Variants in VAV3 observed in about 807,000 individuals in gnomAD.
VAV3 encodes the protein guanine nucleotide exchange factor VAV3.
VAV3 carries 94 observed loss-of-function variants against 131.2 expected under a neutral mutation model. The ratio of observed to expected loss-of-function variants is 0.72; its 90% CI spans 0.61 to 0.85. The LOEUF is 0.85. Among genes scored for constraint, VAV3 ranks in the 40% least tolerant of loss-of-function variants. The pLI, the probability that VAV3 is intolerant of heterozygous loss-of-function variation, is 0.00. For missense variants in VAV3, 939 were observed against 1,002.7 expected (o/e 0.94, Z 0.86); for synonymous variants, 349 against 342.0 (o/e 1.02, Z -0.22).
intron 20 of VAV3, among the ~76,000 whole-genome samples, chr1:107,623,341 T>C (rs1423781047): frequency 1.3e-5 from 2 of 152,208 alleles, no homozygotes; most frequent in African/African-American, 2.4e-5. Flanking sequence ...ATTTTATCTA[T>C]AATATTGTTT....
intron 25 of VAV3, among the ~76,000 whole-genome samples, chr1:107,585,030 G>C (rs1008927823): frequency 2.6e-5 from 4 of 152,182 alleles, no homozygotes; most frequent in South Asian, 2.1e-4. Flanking sequence ...GATAGACACA[G>C]ACAGAAATTA....
At chr1:107,914,610 G>A (rs1672524760) in intron 1 of VAV3, among the ~76,000 whole-genome samples, 1 of 152,188 alleles carries the variant, frequency 6.6e-6, no homozygotes, top group African/African-American at 2.4e-5. Flanking sequence ...AAAAGACTGT[G>A]CCTCCTCCAT....
At chr1:107,920,808 G>A (rs754556434) in intron 1 of VAV3, among the ~76,000 whole-genome samples, 2 of 152,054 alleles carry the variant, frequency 1.3e-5, no homozygotes, top group East Asian at 1.9e-4. Context: ...TTTCCCTTAC[G>A]ATTATTTGTG....
At chr1:107,841,467 G>A (rs761665458) in intron 2 of VAV3, among the ~76,000 whole-genome samples, 5 of 152,124 alleles carry the variant, frequency 3.3e-5, no homozygotes, top group Non-Finnish European at 7.4e-5. Flanking sequence ...CTATAACAAG[G>A]ATATTTAAAC....
intron 15 of VAV3, among the ~76,000 whole-genome samples, chr1:107,723,259 C>T (rs975691474): frequency 6.6e-6 from 1 of 152,112 alleles, no homozygotes; most frequent in Non-Finnish European, 1.5e-5. Context: ...CCTGTCCTCC[C>T]AGCCACAAGC....
At chr1:107,674,994 C>A (rs182958153) in intron 19 of VAV3, among the ~76,000 whole-genome samples, 1 of 152,062 alleles carries the variant, frequency 6.6e-6, no homozygotes, top group East Asian at 1.9e-4. Flanking sequence ...AATGGAATCC[C>A]GCGAAAAGCA....
At chr1:107,935,774 ATGCTGT>A (rs1673682411) in intron 1 of VAV3, among the ~76,000 whole-genome samples, 1 of 152,184 alleles carries the variant, frequency 6.6e-6, no homozygotes, top group South Asian at 2.1e-4. Context: ...GCCATTACCT[ATGCTGT>A]ATTTTGCAGA....
chr1:107,773,839 T>C (rs559602900), intron 4 of VAV3, among the ~76,000 whole-genome samples: 9 of 152,224 alleles, frequency 5.9e-5, no homozygotes, highest in African/African-American at 2.2e-4. Flanking sequence ...GGAGCTGAGA[T>C]ATAAAATGAT....
intron 1 of VAV3, among the ~76,000 whole-genome samples, chr1:107,951,031 G>A (rs1674507551): frequency 6.6e-6 from 1 of 152,162 alleles, no homozygotes; most frequent in South Asian, 2.1e-4. Context: ...ACCAAAGATA[G>A]GTACTTCAAT....
chr1:107,816,495 C>T (rs1047986042), intron 2 of VAV3, among the ~76,000 whole-genome samples: 3 of 152,148 alleles, frequency 2.0e-5, no homozygotes, highest in African/African-American at 7.2e-5. Flanking sequence ...TCCTGGCTTA[C>T]ACAATCTCAT....
intron 10 of VAV3, 25 bp downstream of exon 10, chr1:107,760,755 CAATA>C: frequency 6.5e-7 from 1 of 1,528,492 alleles, no homozygotes; most frequent in Non-Finnish European, 9.0e-7. Flanking sequence ...AATAAATGGA[CAATA>C]AATAAACTGT....
At chr1:107,635,137 T>G (rs1387060074) in intron 20 of VAV3, among the ~76,000 whole-genome samples, 1 of 152,124 alleles carries the variant, frequency 6.6e-6, no homozygotes, top group Non-Finnish European at 1.5e-5. Flanking sequence ...CCCAAAGAAT[T>G]ATAAATCATG....
chr1:107,590,861 T>C lies in VAV3; in HGVS notation c.2350+5351A>G, dbSNP rs549919035. ...TTATCCCTCTCACGGACATCTGCAA[T>C]AGCCTCCTAACTCATCTTCCCTCTG... On this transcript the variant is annotated intron_variant, in intron 25 of 26. Coordinates refer to ENST00000370056, the MANE Select transcript of VAV3 (RefSeq NM_006113.5). 9.7e-4 allele frequency among the ~76,000 whole-genome samples: 148 copies of C among 152,278 alleles called. 1 individual carries two copies. The highest frequency in any genetic ancestry group is 3.5e-3 in the African/African-American group (144 of 41,564).
chr1:107,661,415 T>G (rs1213999964), intron 19 of VAV3, among the ~76,000 whole-genome samples: 1 of 152,232 alleles, frequency 6.6e-6, no homozygotes, highest in Non-Finnish European at 1.5e-5. Flanking sequence ...GCCTCTGCAA[T>G]GTCTTCGCAA....
chr1:107,623,864 C>G (rs981531317), intron 20 of VAV3, among the ~76,000 whole-genome samples: 1 of 152,148 alleles, frequency 6.6e-6, no homozygotes, highest in Non-Finnish European at 1.5e-5. Flanking sequence ...CAAAATGTCC[C>G]TATCTCTGGC....
intron 1 of VAV3, among the ~76,000 whole-genome samples, chr1:107,905,715 T>C (rs573671390): frequency 6.6e-6 from 1 of 152,364 alleles, no homozygotes; most frequent in Non-Finnish European, 1.5e-5. Context: ...TAATCATCTG[T>C]ATTTCATTTC....
chr1:107,583,571 C>G (rs1212952579), intron 25 of VAV3, among the ~76,000 whole-genome samples: 2 of 152,250 alleles, frequency 1.3e-5, no homozygotes, highest in Non-Finnish European at 2.9e-5. Flanking sequence ...TCTCAGGATA[C>G]AAAATCAATG....
intron 25 of VAV3, among the ~76,000 whole-genome samples, chr1:107,575,833 A>G (rs564205672): frequency 2.0e-4 from 30 of 152,302 alleles, no homozygotes; most frequent in Non-Finnish European, 3.7e-4. Context: ...AACAGACTTT[A>G]TCTAATGTAT....
intron 2 of VAV3, 36 bp from the exon 3 acceptor site, chr1:107,779,528 T>C (rs748125862): frequency 6.6e-7 from 1 of 1,510,460 alleles, no homozygotes; most frequent in African/African-American, 1.4e-5. Context: ...AGATATGTAG[T>C]TCAGAAAATA....
Sources: gnomAD v4.1 joint callset for allele counts (sites outside exome capture counted in the v4.1 genomes callset) on GRCh38, gnomAD v4.1.1 for gene constraint, MANE v1.5 for transcripts, NCBI Gene and HGNC (gene_info 2026-07-23, HGNC 2026-07-21) for gene names.